The following AK9 variants were observed in gnomAD, a reference collection of about 807,000 sequenced individuals.
AK9 encodes the protein adenylate kinase domain containing 1.
Under a neutral mutation model 239.6 loss-of-function variants are expected in AK9, and 191 were observed. The ratio of observed to expected loss-of-function variants is 0.80; its 90% CI spans 0.71 to 0.90. The LOEUF is 0.90. AK9 is among the 40% of genes least tolerant of loss of function. The probability of loss-of-function intolerance (pLI) is 0.00; values close to 1 mark genes in which losing one functional copy is unlikely to be tolerated. For synonymous variants in AK9, 689 were observed against 721.0 expected, an observed-to-expected ratio of 0.96 and a Z score of 0.71; for missense variants, 1,995 against 2,214.7, an observed-to-expected ratio of 0.90 and a Z score of 1.99.
At chr6:109,531,915 T>C (rs1193357969) in intron 28 of AK9, among the ~76,000 whole-genome samples, 1 of 152,214 alleles carries the variant, frequency 6.6e-6, no homozygotes, top group Non-Finnish European at 1.5e-5. Context: ...AGACCAGTGA[T>C]GGCCTGGGAC....
intron 12 of AK9, among the ~76,000 whole-genome samples, chr6:109,629,701 CG>C (rs1795919667): frequency 6.6e-6 from 1 of 151,458 alleles, no homozygotes; most frequent in South Asian, 2.1e-4. Flanking sequence ...GGCGCGATCT[CG>C]GCTCACTGCA....
At chr6:109,661,097 T>C in intron 6 of AK9, 1 of 320,526 alleles carries the variant, frequency 3.1e-6, no homozygotes, top group Non-Finnish European at 6.1e-6. Context: ...TCCAGGCTTA[T>C]TCCCCAATAA....
chr6:109,593,554 G>A (rs556048366), intron 17 of AK9, among the ~76,000 whole-genome samples: 63 of 152,062 alleles, frequency 4.1e-4, no homozygotes, highest in Non-Finnish European at 7.1e-4. Flanking sequence ...TGGCAGAGAC[G>A]TAACAACAAA....
intron 24 of AK9, among the ~76,000 whole-genome samples, chr6:109,554,983 C>T (rs35721210): frequency 0.091 from 13,809 of 152,094 alleles, 807 homozygotes; most frequent in Middle Eastern, 0.15. Context: ...ATTGGTATTT[C>T]GGAAGGTTCT....
chr6:109,567,779 T>C lies in AK9; in HGVS notation c.2345-2934A>G, dbSNP rs528914278. On this transcript the variant is annotated intron_variant, in intron 21 of 40. Transcript: ENST00000424296. The stretch of plus-strand genomic sequence containing the variant: ...GGACAGCATTAGGAGATATACCTAA[T>C]GCAAATGACGAGTTAATGGGTGCAG... 1.9e-4 allele frequency among the ~76,000 whole-genome samples: 28 copies of C among 148,562 alleles called. No homozygotes were observed. The East Asian group carries it at 3.0e-3, about 16-fold the overall frequency.
rs1251267234 is a variant in AK9, at chr6:109,514,371, G to A, written c.4132C>T (p.Arg1378Cys). ...AENPIYPVIHRQYIYFLSSKE... is the reference protein window; with the variant it reads ...AENPIYPVIHCQYIYFLSSKE... ...CTAGATAAAAAATAAATATACTGAC[G>A]ATGGATTACAGGATAAATTGGATTC... The change falls in exon 32 of 41, where the codon CGT becomes TGT. Residue 1378 changes from arginine (R) to cysteine (C), a missense_variant. Transcript: ENST00000424296. 74 of 1,550,520 alleles carry A rather than the reference G, an allele frequency of 4.8e-5. No homozygotes were observed. The highest frequency in any genetic ancestry group is 6.4e-5 in the Non-Finnish European group (73 of 1,146,728).
At chr6:109,650,913 G>A (rs1359891681) in intron 8 of AK9, among the ~76,000 whole-genome samples, 2 of 152,178 alleles carry the variant, frequency 1.3e-5, no homozygotes, top group East Asian at 3.9e-4. Flanking sequence ...AAAAAATGAT[G>A]AGTTCATGTC....
intron 23 of AK9, 40 bp downstream of exon 23, chr6:109,564,033 TACTATCA>T (rs1786141625): frequency 1.3e-6 from 2 of 1,489,738 alleles, no homozygotes; most frequent in South Asian, 2.6e-5. Flanking sequence ...ATGCTTCTAA[TACTATCA>T]CCTGCTGTTG....
chr6:109,675,149 C>A (rs972134704), intron 2 of AK9, among the ~76,000 whole-genome samples: 3 of 152,258 alleles, frequency 2.0e-5, no homozygotes, highest in African/African-American at 7.2e-5. Context: ...CTTCACATAT[C>A]CACAGAGCCT....
chr6:109,496,327 C>T lies in AK9; in HGVS notation c.5316-887G>A, dbSNP rs181677734. Among the ~76,000 whole-genome samples the T allele has an allele frequency of 5.3e-4, 80 of 152,344 alleles. 1 individual carries two copies. The highest frequency in any genetic ancestry group is 4.8e-3 in the East Asian group (25 of 5,180). ...CTCCTGTGTCTTCACACCCAGCCTG[C>T]TTGCCTCAGGTCCCTCGCCTCCTGG... On this transcript the variant is annotated intron_variant, in intron 38 of 40. Transcript: ENST00000424296.
At chr6:109,519,162 G>A (rs1779572896) in intron 29 of AK9, among the ~76,000 whole-genome samples, 1 of 152,124 alleles carries the variant, frequency 6.6e-6, no homozygotes, top group Non-Finnish European at 1.5e-5. Context: ...TTATGGTCAT[G>A]TAGTATTCTA....
chr6:109,519,774 CAAA>C (rs58292452), intron 29 of AK9, among the ~76,000 whole-genome samples: 10 of 143,692 alleles, frequency 7.0e-5, no homozygotes, highest in Non-Finnish European at 7.7e-5. Flanking sequence ...CATCCTGTCT[CAAA>C]AAAAAAAAAA....
chr6:109,661,269 CTT>C (rs1223382930), intron 6 of AK9, among the ~76,000 whole-genome samples: 1 of 152,190 alleles, frequency 6.6e-6, no homozygotes, highest in Non-Finnish European at 1.5e-5. Flanking sequence ...TAAGCAGTCT[CTT>C]ATATTAAGAC....
At chr6:109,617,165 T>A (rs1339095446) in intron 13 of AK9, among the ~76,000 whole-genome samples, 1 of 152,080 alleles carries the variant, frequency 6.6e-6, no homozygotes, top group African/African-American at 2.4e-5. Context: ...AAATGGAGAT[T>A]TCATGTCTGC....
intron 12 of AK9, among the ~76,000 whole-genome samples, chr6:109,622,139 A>C (rs1794936864): frequency 6.8e-6 from 1 of 146,128 alleles, no homozygotes. Context: ...TATTGTATAT[A>C]TTTTATACAT....
chr6:109,570,758 C>T (rs532841980), intron 21 of AK9, among the ~76,000 whole-genome samples: 96 of 152,100 alleles, frequency 6.3e-4, no homozygotes, highest in Non-Finnish European at 9.4e-4. Flanking sequence ...ATAAATGATC[C>T]TGAAAAAGGA....
Position 109,639,310 on chromosome 6 carries a change from T to C in AK9, c.933+2208A>G, listed in dbSNP as rs373356886. Reference sequence around the variant, plus strand: ...CTATTTCTCCACATCTTCTCCAGCATCTGTTGTTTCCTGACTTTTTAAGGA... The same window carrying C: ...CTATTTCTCCACATCTTCTCCAGCACCTGTTGTTTCCTGACTTTTTAAGGA... On this transcript the variant is annotated intron_variant, in intron 10 of 40. Coordinates refer to ENST00000424296, the MANE Select transcript of AK9 (RefSeq NM_001145128.3). Among the ~76,000 whole-genome samples the C allele has an allele frequency of 5.3e-4, 80 of 152,326 alleles. 2 individuals carry two copies. The South Asian group carries it at 0.013, about 26-fold the overall frequency.
At chr6:109,669,447 G>A (rs982415705) in intron 5 of AK9, among the ~76,000 whole-genome samples, 6 of 151,994 alleles carry the variant, frequency 3.9e-5, no homozygotes, top group Non-Finnish European at 7.4e-5. Context: ...TGGTGAGAGA[G>A]GGCATCCCTG....
chr6:109,597,695 A>G (rs956277505), intron 17 of AK9, among the ~76,000 whole-genome samples: 3 of 151,866 alleles, frequency 2.0e-5, no homozygotes, highest in Non-Finnish European at 4.4e-5. Flanking sequence ...TTTTTATTGC[A>G]ACCTCAATTC....
Sources: allele counts gnomAD v4.1 joint callset (sites outside exome capture counted in the v4.1 genomes callset), GRCh38; gene constraint gnomAD v4.1.1; transcripts MANE v1.5; gene names NCBI Gene and HGNC (gene_info 2026-07-23, HGNC 2026-07-21).